The following UPF1 variants were observed in gnomAD, a reference collection of about 807,000 sequenced individuals.
UPF1 encodes UPF1 RNA helicase and ATPase, also known as regulator of nonsense transcripts 1.
Under a neutral mutation model 129.2 loss-of-function variants are expected in UPF1, and 9 were observed. The observed-to-expected ratio is 0.07, with a 90% CI of 0.04 to 0.12. UPF1 has a LOEUF of 0.12. Among genes scored for constraint, UPF1 ranks in the 10% least tolerant of loss-of-function variants. The probability of loss-of-function intolerance (pLI) is 1.00; values close to 1 mark genes in which losing one functional copy is unlikely to be tolerated. For synonymous variants in UPF1, 649 were observed against 644.9 expected (o/e 1.01, Z -0.10); for missense variants, 788 against 1,525.3 (o/e 0.52, Z 8.05).
In UPF1 at chr19:18,853,093, T is replaced by C; in HGVS notation, c.1057+22T>C. On this transcript the variant is annotated intron_variant, in intron 7 of 23. Coordinates refer to ENST00000262803, the MANE Select transcript of UPF1 (RefSeq NM_002911.4). This position sits in a 1 kb window ranked among gnomAD's most constrained non-coding sequence, Gnocchi z 4.4. The stretch of plus-strand genomic sequence containing the variant: ...TCTGGTAATGAGGATTTAGTCATAA[T>C]TTGGTTAAGAGGTGATTTTAAGTTT... 1 of 1,613,582 alleles carries C rather than the reference T, an allele frequency of 6.2e-7. No homozygotes were observed. The highest frequency in any genetic ancestry group is 8.5e-7 in the Non-Finnish European group (1 of 1,179,758).
Position 18,860,340 on chromosome 19 carries a change from A to T in UPF1, c.2202A>T (p.Gly734=). The change falls in exon 16 of 24, where the codon GGA becomes GGT. Residue 734 remains glycine, a synonymous_variant. Transcript: ENST00000262803. The part of the protein sequence containing the change: ...GVTAADRVKK[G]FDFQWPQPDK... Reference sequence around the variant, plus strand: ...TCACAGCGGATCGTGTGAAGAAGGGATTTGACTTCCAGTGGCCCCAACCCG... The same window carrying T: ...TCACAGCGGATCGTGTGAAGAAGGGTTTTGACTTCCAGTGGCCCCAACCCG... The T allele has an allele frequency of 1.2e-6, 2 of 1,613,952 alleles. No individual in the cohort carries two copies. Among genetic ancestry groups the T allele is most frequent in the Non-Finnish European group, 1.7e-6 (2 of 1,179,998 alleles).
intron 1 of UPF1, among the ~76,000 whole-genome samples, chr19:18,843,315 C>A (rs972207360): frequency 6.6e-6 from 1 of 152,056 alleles, no homozygotes; most frequent in Non-Finnish European, 1.5e-5. Context: ...CAGAGGATGC[C>A]TGCCTGAGAG....
intron 15 of UPF1, among the ~76,000 whole-genome samples, chr19:18,858,732 G>A (rs1046262865): frequency 2.6e-5 from 4 of 152,168 alleles, no homozygotes; most frequent in Admixed American, 2.6e-4. Flanking sequence ...CAGCCAGATA[G>A]TAAGGAGATT....
chr19:18,855,999 A>G lies in UPF1; in HGVS notation c.1619A>G (p.Lys540Arg). The G allele has an allele frequency of 6.2e-7, 1 of 1,614,006 alleles. No homozygotes were observed. Among genetic ancestry groups the G allele is most frequent in the Non-Finnish European group, 8.5e-7 (1 of 1,180,034 alleles). The change falls in exon 12 of 24, where the codon AAG (lysine) becomes AGG (arginine). Residue 540 changes from lysine (K) to arginine (R), a missense_variant. Lys to Arg is a conservative substitution (Grantham distance 26, BLOSUM62 2). Around this residue, in one of 6 missense-constraint regions of UPF1, gnomAD observed 91 missense variants for 157.2 expected, o/e 0.58. Transcript: ENST00000262803. ...GAGAAGATCCACCAGACGGGGCTAA[A>G]GGTCGTGCGCCTCTGCGCCAAGAGC... ...LTEKIHQTGLKVVRLCAKSRE... is the reference protein window; with the variant it reads ...LTEKIHQTGLRVVRLCAKSRE...
chr19:18,860,456 C>T lies in UPF1; in HGVS notation c.2300+18C>T, dbSNP rs1248939999. 1.2e-6 allele frequency: 2 copies of T among 1,610,962 alleles called. No individual in the cohort carries two copies. The highest frequency in any genetic ancestry group is 1.1e-5 in the South Asian group (1 of 90,964). On this transcript the variant is annotated intron_variant, in intron 16 of 23. Transcript: ENST00000262803. Reference sequence around the variant, plus strand: ...CTGAACAGGTGAGCAGGGACAGGCCCACCGGCGTCTGCAGGTCTTGGGGAC... The same window carrying T: ...CTGAACAGGTGAGCAGGGACAGGCCTACCGGCGTCTGCAGGTCTTGGGGAC...
At chr19:18,834,815 G>A (rs1045016658) in intron 1 of UPF1, among the ~76,000 whole-genome samples, 2 of 152,194 alleles carry the variant, frequency 1.3e-5, no homozygotes, top group Admixed American at 6.5e-5. Flanking sequence ...GGAGTTGGCC[G>A]TGTAACCAGC....
chr19:18,836,391 C>A (rs1392584958), intron 1 of UPF1, among the ~76,000 whole-genome samples: 1 of 152,158 alleles, frequency 6.6e-6, no homozygotes, highest in Non-Finnish European at 1.5e-5. Flanking sequence ...ACTATTGATA[C>A]CTGCAACAAC....
rs767652660 is a variant in UPF1, at chr19:18,860,988, C to T, written c.2457+6C>T. On this transcript the variant is annotated splice_donor_region_variant and intron_variant, in intron 17 of 23. Transcript: ENST00000262803. ...TGCACACCAAGCTCTACCAGGTGCG[C>T]TGCGCCCTCGGGCACACTTGGTCTC... is the stretch of plus-strand genomic sequence containing the variant. 8.9e-6 allele frequency: 14 copies of T among 1,570,080 alleles called. No individual in the cohort carries two copies. Among genetic ancestry groups the T allele is most frequent in the Non-Finnish European group, 1.2e-5 (14 of 1,159,406 alleles).
At chr19:18,837,153 T>A (rs1204900358) in intron 1 of UPF1, among the ~76,000 whole-genome samples, 1 of 151,716 alleles carries the variant, frequency 6.6e-6, no homozygotes. Context: ...GCAGTGGCGT[T>A]ATCATGGGTC....
chr19:18,832,735 C>T lies in UPF1; in HGVS notation c.231+295C>T, dbSNP rs1240396710. Among the ~76,000 whole-genome samples, 2 of 152,050 alleles carry T rather than the reference C, an allele frequency of 1.3e-5. No homozygotes were observed. The highest frequency in any genetic ancestry group is 2.4e-5 in the African/African-American group (1 of 41,390). On this transcript the variant is annotated intron_variant, in intron 1 of 23. Transcript: ENST00000262803. The surrounding 1 kb of genome is among the most constrained non-coding windows in gnomAD (Gnocchi z 5.6). ...GGGCAGACTTGCCTCGAGTCCTCCACTTCGTTCGGGACCGAGCTAACCTGA... is the reference window on the plus strand; with the variant it reads ...GGGCAGACTTGCCTCGAGTCCTCCATTTCGTTCGGGACCGAGCTAACCTGA...
In UPF1 at chr19:18,867,097, A is replaced by C. The variant is rs1028578969; in HGVS notation, c.*580A>C. On this transcript the variant is annotated 3_prime_UTR_variant, in exon 24 of 24. Coordinates refer to ENST00000262803, the MANE Select transcript of UPF1 (RefSeq NM_002911.4). ...GTTTTTTTCAAGATTCTTTTAAAGG[A>C]GTACTGAAGAATACTTTCCTAAGTT... 2 of 152,616 alleles carry C rather than the reference A, an allele frequency of 1.3e-5. No homozygotes were observed. Among genetic ancestry groups the C allele is most frequent in the African/African-American group, 2.4e-5 (1 of 41,460 alleles). 9.5% of individuals were successfully genotyped at this position (152,616 alleles called of 1,614,324 possible). A position where few individuals can be genotyped will look rare whatever the true frequency, so the allele number is the denominator to read the frequency against.
intron 16 of UPF1, 21 bp downstream of exon 16, chr19:18,860,459 C>T (rs1182799066): frequency 1.1e-5 from 18 of 1,610,080 alleles, no homozygotes; most frequent in African/African-American, 2.7e-5. Context: ...ACAGGCCCAC[C>T]GGCGTCTGCA....
At chr19:18,854,438 C>T (rs906612954) in intron 8 of UPF1, among the ~76,000 whole-genome samples, 163 bp from the exon 9 acceptor site, 2 of 152,228 alleles carry the variant, frequency 1.3e-5, no homozygotes, top group Non-Finnish European at 2.9e-5. Context: ...TCCTTCTGGT[C>T]TCTGGTCTGG....
intron 1 of UPF1, 82 bp from the exon 2 acceptor site, chr19:18,845,897 CA>C: frequency 6.5e-7 from 1 of 1,536,310 alleles, no homozygotes; most frequent in Non-Finnish European, 8.8e-7. Flanking sequence ...CAGGGTGTCA[CA>C]CCAGAGTCAT....
intron 1 of UPF1, among the ~76,000 whole-genome samples, chr19:18,834,198 C>T (rs1327047621): frequency 6.6e-6 from 1 of 152,124 alleles, no homozygotes; most frequent in Non-Finnish European, 1.5e-5. Context: ...CGACTGTATA[C>T]GCTGTCTGTA....
rs759452259 is a variant in UPF1 at position 18,857,502 on chromosome 19, C to T, written c.2151C>T (p.Tyr717=). 30 of 1,613,706 alleles carry T rather than the reference C, an allele frequency of 1.9e-5. No individual in the cohort carries two copies. Among genetic ancestry groups the T allele is most frequent in the African/African-American group, 1.2e-4 (9 of 74,938 alleles). Residue 717 remains tyrosine, a synonymous_variant, in exon 15 of 24, where the codon TAC becomes TAT. Coordinates refer to ENST00000262803, the MANE Select transcript of UPF1 (RefSeq NM_002911.4). ...ALSAFPSNIF[Y]EGSLQNGVTA... is the part of the protein sequence containing the mutation. ...GCGCCTTCCCATCCAACATCTTCTA[C>T]GAGGGCTCCCTCCAGAATGGTGTCA...
chr19:18,845,527 G>A (rs992943761), intron 1 of UPF1, among the ~76,000 whole-genome samples: 6 of 152,164 alleles, frequency 3.9e-5, no homozygotes, highest in Admixed American at 3.3e-4. Flanking sequence ...GGGTGAGGTG[G>A]CAGTGGATGT....
At chr19:18,863,782 C>T (rs567538203) in intron 19 of UPF1, among the ~76,000 whole-genome samples, 170 bp downstream of exon 19, 5 of 152,154 alleles carry the variant, frequency 3.3e-5, no homozygotes, top group Non-Finnish European at 5.9e-5. Flanking sequence ...TCTCCCGAGC[C>T]GTGTGTGGCA....
At position 18,854,638 on chromosome 19, in the gene UPF1, C is replaced by T. The variant is rs144265702; in HGVS notation, c.1194C>T (p.Ser398=). 1.5e-4 allele frequency: 239 copies of T among 1,614,080 alleles called. No individual in the cohort carries two copies. The African/African-American group carries it at 2.5e-3, about 17-fold the overall frequency. ...GDEIAIELRS[S]VGAPVEVTHN... ...AGATCGCCATTGAGCTGCGGAGCAGCGTGGGTGCACCTGTGGAGGTGACTC... is the reference window on the plus strand; with the variant it reads ...AGATCGCCATTGAGCTGCGGAGCAGTGTGGGTGCACCTGTGGAGGTGACTC... The change falls in exon 9 of 24, where the codon AGC becomes AGT. Residue 398 remains serine, a synonymous_variant. Coordinates refer to ENST00000262803, the MANE Select transcript of UPF1 (RefSeq NM_002911.4).
Sources: gnomAD v4.1 joint callset for allele counts (sites outside exome capture counted in the v4.1 genomes callset) on GRCh38, gnomAD v4.1.1 for gene constraint, gnomAD v4.1.1 regional missense constraint, Gnocchi (gnomAD v3.1) non-coding constraint, MANE v1.5 for transcripts, NCBI Gene and HGNC (gene_info 2026-07-23, HGNC 2026-07-21) for gene names.